The following INPP5D variants were observed in gnomAD, a reference collection of about 807,000 sequenced individuals.
INPP5D encodes phosphatidylinositol 3,4,5-trisphosphate 5-phosphatase 1.
In INPP5D, 33 loss-of-function variants were observed where a neutral mutation model predicts 122.9. That is an observed-to-expected ratio of 0.27 (90% CI 0.20 to 0.36). The LOEUF (loss-of-function observed/expected upper bound fraction) is 0.36, where lower values mean the gene tolerates loss of function less well. Among genes scored for constraint, INPP5D ranks in the 10% least tolerant of loss-of-function variants. INPP5D has a pLI of 1.00. For missense variants in INPP5D, 1,053 were observed against 1,412.7 expected (o/e 0.75, Z 4.08); for synonymous variants, 584 against 576.2 (o/e 1.01, Z -0.19).
At position 233,122,166 on chromosome 2, in the gene INPP5D, C is replaced by T. The variant is rs777855078; in HGVS notation, c.258C>T (p.Tyr86=). The part of the protein sequence containing the change: ...FTKLDQLIEF[Y]KKENMGLVTH... The stretch of plus-strand genomic sequence containing the variant: ...AGCTGGACCAGCTCATCGAGTTTTA[C>T]AAGAAGGAAAACATGGGGCTGGTGA... Residue 86 remains tyrosine (Y), a synonymous_variant, in exon 3 of 27, where the codon TAC becomes TAT. Coordinates refer to ENST00000445964, the MANE Select transcript of INPP5D (RefSeq NM_001017915.3). The T allele has an allele frequency of 1.2e-6, 2 of 1,613,944 alleles. No individual in the cohort carries two copies. Among genetic ancestry groups the T allele is most frequent in the South Asian group, 2.2e-5 (2 of 91,080 alleles).
intron 2 of INPP5D, among the ~76,000 whole-genome samples, chr2:233,081,692 G>T (rs2106212013): frequency 6.6e-6 from 1 of 152,296 alleles, no homozygotes; most frequent in East Asian, 1.9e-4. Flanking sequence ...GGGGTAAGGG[G>T]TGGGCAGCCT....
chr2:233,176,163 C>T (rs529064702), intron 17 of INPP5D, among the ~76,000 whole-genome samples: 316 of 152,278 alleles, frequency 2.1e-3, no homozygotes, highest in Non-Finnish European at 3.6e-3. Context: ...TGCCAGTTTA[C>T]CTTGTCTATC....
In INPP5D at chr2:233,082,594, C is replaced by T. The variant is rs1691719626; in HGVS notation, c.198+3196C>T. Among the ~76,000 whole-genome samples the T allele has an allele frequency of 6.6e-6, 1 of 152,170 alleles. No homozygotes were observed. Among genetic ancestry groups the T allele is most frequent in the South Asian group, 2.1e-4 (1 of 4,828 alleles). ...GGGGACTTCTGTTCTCTTGTCAACA[C>T]CAAAGATCTCATCTTTGTTCTTTGC... is the stretch of plus-strand genomic sequence containing the variant. On this transcript the variant is annotated intron_variant, in intron 2 of 26. Transcript: ENST00000445964. The surrounding 1 kb of genome is among the most constrained non-coding windows in gnomAD (Gnocchi z 4.7).
At chr2:233,142,586 G>A (rs1693655363) in intron 6 of INPP5D, among the ~76,000 whole-genome samples, 5 of 152,208 alleles carry the variant, frequency 3.3e-5, no homozygotes, top group Admixed American at 2.6e-4. Context: ...CTGCTGGGAA[G>A]TGTGAAATGC....
At chr2:233,093,299 C>A (rs1692038179) in intron 2 of INPP5D, among the ~76,000 whole-genome samples, 1 of 152,160 alleles carries the variant, frequency 6.6e-6, no homozygotes, top group South Asian at 2.1e-4. Context: ...AGCCTTCCTT[C>A]TTGGGAAACT....
intron 11 of INPP5D, 79 bp from the exon 12 acceptor site, chr2:233,163,628 C>T (rs989854684): frequency 5.0e-6 from 8 of 1,602,416 alleles, no homozygotes; most frequent in Non-Finnish European, 5.1e-6. Flanking sequence ...CTCACACTCC[C>T]GCCCTCTGTT....
intron 3 of INPP5D, among the ~76,000 whole-genome samples, chr2:233,124,000 A>G (rs1693076461): frequency 6.6e-6 from 1 of 152,168 alleles, no homozygotes; most frequent in Non-Finnish European, 1.5e-5. Context: ...AGAAATAACT[A>G]TTGGGTACTA....
chr2:233,183,294 T>A lies in INPP5D; in HGVS notation c.2161+795T>A, dbSNP rs1485885030. Among the ~76,000 whole-genome samples, 1 of 152,090 alleles carries A rather than the reference T, an allele frequency of 6.6e-6. No individual in the cohort carries two copies. Among genetic ancestry groups the A allele is most frequent in the African/African-American group, 2.4e-5 (1 of 41,400 alleles). On this transcript the variant is annotated intron_variant, in intron 19 of 26. Coordinates refer to ENST00000445964, the MANE Select transcript of INPP5D (RefSeq NM_001017915.3). The surrounding 1 kb of genome is among the most constrained non-coding windows in gnomAD (Gnocchi z 4.6). Reference sequence around the variant, plus strand: ...GAAGACCAAGCGTAGGGGACCCAAATACAGGGAAAGACCATCTTGCTCTGT... The same window carrying A: ...GAAGACCAAGCGTAGGGGACCCAAAAACAGGGAAAGACCATCTTGCTCTGT...
chr2:233,084,495 T>C (rs1031814531), intron 2 of INPP5D, among the ~76,000 whole-genome samples: 2 of 152,236 alleles, frequency 1.3e-5, no homozygotes, highest in African/African-American at 4.8e-5. Context: ...AAGAGACACT[T>C]GTGACTCAAG....
chr2:233,102,361 G>C (rs975184204), intron 2 of INPP5D, among the ~76,000 whole-genome samples: 1 of 151,918 alleles, frequency 6.6e-6, no homozygotes, highest in Admixed American at 6.6e-5. Context: ...TCCCCCATGG[G>C]CCCCAGTCCC....
chr2:233,076,395 G>A (rs1210242910), intron 1 of INPP5D: 1 of 152,210 alleles, frequency 6.6e-6, no homozygotes, highest in Non-Finnish European at 1.5e-5. Context: ...GATGCAAGAC[G>A]ATTGTATCAA....
intron 26 of INPP5D, 34 bp downstream of exon 26, chr2:233,204,751 TGTGTGTGTGTGCATGCGTGAGTGC>T: frequency 7.1e-7 from 1 of 1,406,778 alleles, no homozygotes; most frequent in Non-Finnish European, 9.3e-7. Context: ...CGTGTGCATT[TGTGTGTGTGTGCATGCGTGAGTGC>T]GTATGTGTGT....
At chr2:233,064,148 C>T (rs1021782405) in intron 1 of INPP5D, among the ~76,000 whole-genome samples, 4 of 152,258 alleles carry the variant, frequency 2.6e-5, no homozygotes, top group Admixed American at 1.3e-4. Flanking sequence ...AGCTGGGGCC[C>T]GGGATCAGGC....
chr2:233,148,787 A>G (rs916737637), intron 9 of INPP5D, among the ~76,000 whole-genome samples: 2 of 151,790 alleles, frequency 1.3e-5, no homozygotes, highest in Admixed American at 6.6e-5. Flanking sequence ...TTCACACAAC[A>G]GTTTGCATCC....
Position 233,184,340 on chromosome 2 carries a change from G to A in INPP5D, c.2162-68G>A. ...AGAAGGAGCTCAGTATGTGGCATGAGAACTAATTTGAAATGCTCCATCTCC... is the reference window on the plus strand; with the variant it reads ...AGAAGGAGCTCAGTATGTGGCATGAAAACTAATTTGAAATGCTCCATCTCC... On this transcript the variant is annotated intron_variant, in intron 19 of 26. Transcript: ENST00000445964. 3 of 1,570,460 alleles carry A rather than the reference G, an allele frequency of 1.9e-6. No individual in the cohort carries two copies. In the Admixed American group the frequency reaches 5.6e-5, roughly 29 times the overall value.
chr2:233,099,827 A>T (rs534186650), intron 2 of INPP5D, among the ~76,000 whole-genome samples: 13 of 152,362 alleles, frequency 8.5e-5, no homozygotes, highest in East Asian at 5.8e-4. Context: ...TGATAAAGAC[A>T]TACCTAAGAC....
intron 19 of INPP5D, 81 bp downstream of exon 19, chr2:233,182,580 T>G: frequency 6.3e-7 from 1 of 1,584,670 alleles, no homozygotes; most frequent in Non-Finnish European, 8.6e-7. Flanking sequence ...TGGCAGTCAG[T>G]GGTCTGCATT....
chr2:233,080,425 TC>T (rs1691646534), intron 2 of INPP5D, among the ~76,000 whole-genome samples: 1 of 85,670 alleles, frequency 1.2e-5, no homozygotes, highest in Non-Finnish European at 2.7e-5. Context: ...AGTTTCCACA[TC>T]CCGGGTGTGT....
intron 17 of INPP5D, among the ~76,000 whole-genome samples, chr2:233,173,660 C>T (rs1010500792): frequency 2.0e-5 from 3 of 151,680 alleles, no homozygotes; most frequent in African/African-American, 4.8e-5. Context: ...GGCTGGGCAC[C>T]GTGGCTTATG....
Sources: allele counts gnomAD v4.1 joint callset (sites outside exome capture counted in the v4.1 genomes callset), GRCh38; gene constraint gnomAD v4.1.1; non-coding constraint Gnocchi (gnomAD v3.1); transcripts MANE v1.5; gene names NCBI Gene and HGNC (gene_info 2026-07-23, HGNC 2026-07-21).